Variants in MDGA2 observed in about 807,000 individuals in gnomAD.
MDGA2 encodes the protein MAM domain containing glycosylphosphatidylinositol anchor 2.
MDGA2 carries 40 observed loss-of-function variants against 117.8 expected under a neutral mutation model. The observed-to-expected ratio is 0.34, with a 90% CI of 0.26 to 0.44. The LOEUF is 0.44. Among genes scored for constraint, MDGA2 ranks in the 20% least tolerant of loss-of-function variants. The pLI is 1.00. For missense variants in MDGA2, 1,123 were observed against 1,250.6 expected, an observed-to-expected ratio of 0.90 and a Z score of 1.54; for synonymous variants, 452 against 439.0, an observed-to-expected ratio of 1.03 and a Z score of -0.37.
At chr14:47,414,102 G>A (rs1379372263) in intron 1 of MDGA2, among the ~76,000 whole-genome samples, 1 of 152,026 alleles carries the variant, frequency 6.6e-6, no homozygotes, top group Non-Finnish European at 1.5e-5. Context: ...AGGAATTAAG[G>A]GACATATGAA....
intron 2 of MDGA2, among the ~76,000 whole-genome samples, chr14:47,248,945 C>T (rs71418151): frequency 2.2e-5 from 3 of 138,876 alleles, no homozygotes; most frequent in Admixed American, 7.2e-5. Flanking sequence ...CTCCCTTCCT[C>T]CCTCCCTCCC....
rs552449871 is a variant in MDGA2, at chr14:47,325,736, T to C, written c.281-24186A>G. Among the ~76,000 whole-genome samples the C allele has an allele frequency of 8.5e-5, 13 of 152,212 alleles. No homozygotes were observed. The South Asian group carries it at 2.5e-3, about 29-fold the overall frequency. On this transcript the variant is annotated intron_variant, in intron 1 of 16. Coordinates refer to ENST00000399232, the MANE Select transcript of MDGA2 (RefSeq NM_001113498.3). ...AATTTTAACAAGGCTCAGAAATATC[T>C]GATAATGGAGTACAGTGAAGAAATA...
intron 7 of MDGA2, among the ~76,000 whole-genome samples, chr14:47,057,340 G>A (rs1020490491): frequency 3.3e-5 from 5 of 151,928 alleles, no homozygotes; most frequent in Admixed American, 2.0e-4. Context: ...TAGTTTCTAC[G>A]TAATCTGTCT....
At chr14:47,370,252 A>G (rs1205236140) in intron 1 of MDGA2, among the ~76,000 whole-genome samples, 3 of 151,636 alleles carry the variant, frequency 2.0e-5, no homozygotes, top group African/African-American at 7.3e-5. Context: ...TTCCAGGGGA[A>G]GAGAAAATAA....
At chr14:47,668,539 A>G (rs2138312393) in intron 1 of MDGA2, among the ~76,000 whole-genome samples, 2 of 152,350 alleles carry the variant, frequency 1.3e-5, no homozygotes, top group East Asian at 3.9e-4. Flanking sequence ...AAGATTATTA[A>G]TTGGATTTGA....
At chr14:47,157,595 ATGTGTG>A (rs55697311) in intron 3 of MDGA2, among the ~76,000 whole-genome samples, 1,851 of 144,502 alleles carry the variant, frequency 0.013, 23 homozygotes, top group African/African-American at 0.031. Flanking sequence ...ATGTACATAT[ATGTGTG>A]TGTGTGTGTG....
chr14:47,074,187 T>A (rs1890403342), intron 6 of MDGA2, among the ~76,000 whole-genome samples: 2 of 152,196 alleles, frequency 1.3e-5, no homozygotes, highest in Non-Finnish European at 2.9e-5. Flanking sequence ...TCAACTTCTT[T>A]ATCTTCTGAA....
At chr14:47,529,829 T>A (rs1190026452) in intron 1 of MDGA2, among the ~76,000 whole-genome samples, 1 of 152,238 alleles carries the variant, frequency 6.6e-6, no homozygotes. Flanking sequence ...TTTTTAGAAG[T>A]TGTAGGATAT....
chr14:47,321,063 T>C (rs1286684039), intron 1 of MDGA2, among the ~76,000 whole-genome samples: 4 of 152,144 alleles, frequency 2.6e-5, no homozygotes, highest in African/African-American at 7.2e-5. Flanking sequence ...ATGTAAAGCA[T>C]ATAGGTGACT....
At chr14:47,297,347 T>C (rs1889107752) in intron 2 of MDGA2, among the ~76,000 whole-genome samples, 1 of 151,470 alleles carries the variant, frequency 6.6e-6, no homozygotes, top group Non-Finnish European at 1.5e-5. Flanking sequence ...AAGAAGACTA[T>C]ATTTATAATG....
intron 7 of MDGA2, among the ~76,000 whole-genome samples, chr14:47,055,623 C>T (rs1889647742): frequency 1.3e-5 from 2 of 151,906 alleles, no homozygotes; most frequent in South Asian, 4.2e-4. Flanking sequence ...GCTAGTAAGC[C>T]CATGAGGTTT....
intron 1 of MDGA2, among the ~76,000 whole-genome samples, chr14:47,442,171 CTTGTT>C (rs918038086): frequency 1.3e-5 from 2 of 152,062 alleles, no homozygotes; most frequent in African/African-American, 4.8e-5. Context: ...ACTTTGAGTT[CTTGTT>C]TTGTGATAAG....
chr14:47,622,414 T>C (rs921511074), intron 1 of MDGA2, among the ~76,000 whole-genome samples: 20 of 152,318 alleles, frequency 1.3e-4, no homozygotes, highest in African/African-American at 4.8e-4. Context: ...TATAAGGATA[T>C]GTGTCCTCCA....
intron 9 of MDGA2, among the ~76,000 whole-genome samples, chr14:46,938,923 A>G (rs892909597): frequency 6.6e-6 from 1 of 152,198 alleles, no homozygotes; most frequent in African/African-American, 2.4e-5. Context: ...ATGAAATACT[A>G]TTTGGCCATA....
chr14:47,254,694 G>A (rs28561403), intron 2 of MDGA2, among the ~76,000 whole-genome samples: 2 of 152,086 alleles, frequency 1.3e-5, no homozygotes, highest in African/African-American at 2.4e-5. Flanking sequence ...TACAGTCTCT[G>A]CCTGTTATCC....
At chr14:47,442,876 C>G (rs892177866) in intron 1 of MDGA2, among the ~76,000 whole-genome samples, 6 of 152,098 alleles carry the variant, frequency 3.9e-5, no homozygotes, top group Non-Finnish European at 8.8e-5. Flanking sequence ...ATGATAAAAT[C>G]TTGCACTGGA....
At chr14:47,107,283 T>C (rs1880756889) in intron 5 of MDGA2, among the ~76,000 whole-genome samples, 2 of 152,068 alleles carry the variant, frequency 1.3e-5, no homozygotes, top group South Asian at 4.2e-4. Flanking sequence ...CCATTTTACC[T>C]GTCCTAAAAC....
At chr14:47,673,106 G>T (rs552177048) in intron 1 of MDGA2, among the ~76,000 whole-genome samples, 1 of 152,288 alleles carries the variant, frequency 6.6e-6, no homozygotes, top group Admixed American at 6.5e-5. Context: ...CACAGGAAAG[G>T]GGAGGAGCAG....
intron 16 of MDGA2, among the ~76,000 whole-genome samples, chr14:46,844,223 T>C (rs1286283692): frequency 2.0e-5 from 3 of 152,186 alleles, no homozygotes; most frequent in Non-Finnish European, 2.9e-5. Context: ...ACCATAAATA[T>C]GAGGTCTACT....
Sources: allele counts gnomAD v4.1 joint callset (sites outside exome capture counted in the v4.1 genomes callset), GRCh38; gene constraint gnomAD v4.1.1; transcripts MANE v1.5; gene names NCBI Gene and HGNC (gene_info 2026-07-23, HGNC 2026-07-21).